Variants in GYPC observed in about 807,000 individuals in gnomAD.
The protein encoded by GYPC is glycophorin-C.
A neutral mutation model predicts 12.6 loss-of-function variants in GYPC; 14 were observed. The observed-to-expected ratio is 1.11, with a 90% CI of 0.74 to 1.74. GYPC has a LOEUF of 1.74. GYPC is among the 40% of genes most tolerant of loss of function. The pLI, the probability that GYPC is intolerant of heterozygous loss-of-function variation, is 0.00. For missense variants in GYPC, 225 were observed against 172.1 expected (o/e 1.31, Z -1.72); for synonymous variants, 78 against 62.1 (o/e 1.26, Z -1.20).
At chr2:126,689,309 G>C (rs1291501638) in intron 1 of GYPC, among the ~76,000 whole-genome samples, 3 of 152,184 alleles carry the variant, frequency 2.0e-5, no homozygotes, top group Non-Finnish European at 4.4e-5. Context: ...GGCACATCAC[G>C]TCTCTGAGCC....
chr2:126,687,364 T>G (rs969997952), intron 1 of GYPC, among the ~76,000 whole-genome samples: 1 of 152,222 alleles, frequency 6.6e-6, no homozygotes, highest in Non-Finnish European at 1.5e-5. Flanking sequence ...CCTAGTGTTT[T>G]TCTTCAGTAG....
rs796109011 is a variant in GYPC, at chr2:126,682,908, T to C, written c.50-7347T>C. ...CACTAGAATCGCCTCCTCCCCACTC[T>C]TCCTGCCTCTTTCAAATTTGATTTC... On this transcript the variant is annotated intron_variant, in intron 1 of 3. Coordinates refer to ENST00000259254, the MANE Select transcript of GYPC (RefSeq NM_002101.5). 2.6e-5 allele frequency among the ~76,000 whole-genome samples: 4 copies of C among 152,302 alleles called. 1 individual carries two copies. Among genetic ancestry groups the C allele is most frequent in the African/African-American group, 9.6e-5 (4 of 41,572 alleles).
chr2:126,664,481 C>A (rs559344414), intron 1 of GYPC, among the ~76,000 whole-genome samples: 102 of 152,338 alleles, frequency 6.7e-4, no homozygotes, highest in Non-Finnish European at 1.3e-3. Context: ...CAGGGCCTGA[C>A]CCCAGACGCA....
intron 1 of GYPC, among the ~76,000 whole-genome samples, chr2:126,688,621 C>T (rs1379321889): frequency 6.6e-6 from 1 of 152,168 alleles, no homozygotes; most frequent in African/African-American, 2.4e-5. Context: ...ACCCAGAGTT[C>T]ACTGGGTCTC....
intron 1 of GYPC, among the ~76,000 whole-genome samples, chr2:126,667,516 G>T (rs181766887): frequency 2.0e-5 from 3 of 150,904 alleles, no homozygotes; most frequent in Admixed American, 1.3e-4. Context: ...CAATTCTCCT[G>T]CCTTAGCCTC....
chr2:126,683,382 A>G (rs772800292), intron 1 of GYPC, among the ~76,000 whole-genome samples: 1 of 152,104 alleles, frequency 6.6e-6, no homozygotes, highest in Non-Finnish European at 1.5e-5. Flanking sequence ...TCCACAGCTG[A>G]CAAAGTCCTC....
intron 1 of GYPC, among the ~76,000 whole-genome samples, chr2:126,670,039 G>A (rs1157656098): frequency 6.6e-6 from 1 of 152,200 alleles, no homozygotes; most frequent in Non-Finnish European, 1.5e-5. Flanking sequence ...TCACTGCCCT[G>A]CCTCCTGCCC....
chr2:126,693,984 G>C (rs748257396), intron 3 of GYPC, 37 bp downstream of exon 3: 1 of 1,381,940 alleles, frequency 7.2e-7, no homozygotes. Context: ...AGCAGCCAGG[G>C]TGGGGGGCCT....
At chr2:126,668,227 T>C (rs532463111) in intron 1 of GYPC, among the ~76,000 whole-genome samples, 1 of 152,318 alleles carries the variant, frequency 6.6e-6, no homozygotes, top group African/African-American at 2.4e-5. Context: ...GGCAATTTTA[T>C]AAAATTAATT....
intron 1 of GYPC, among the ~76,000 whole-genome samples, chr2:126,687,640 T>C (rs755584737): frequency 2.0e-5 from 3 of 152,012 alleles, no homozygotes; most frequent in Admixed American, 6.6e-5. Context: ...ATGGAGAGAG[T>C]AGTTCCAGCT....
intron 1 of GYPC, among the ~76,000 whole-genome samples, chr2:126,663,993 TC>T: frequency 7.5e-6 from 1 of 132,604 alleles, no homozygotes; most frequent in Admixed American, 7.4e-5. Flanking sequence ...TCTCTCTCTC[TC>T]TCTCTCTGGA....
intron 1 of GYPC, among the ~76,000 whole-genome samples, chr2:126,659,716 G>T (rs977594862): frequency 6.6e-6 from 1 of 151,948 alleles, no homozygotes; most frequent in South Asian, 2.1e-4. Context: ...CTGGTAAGGG[G>T]CTTTCCTGGG....
At position 126,696,223 on chromosome 2, in the gene GYPC, G is replaced by C; in HGVS notation, c.*81G>C. 2 of 974,754 alleles carry C rather than the reference G, an allele frequency of 2.1e-6. No homozygotes were observed. Among genetic ancestry groups the C allele is most frequent in the Non-Finnish European group, 3.2e-6 (2 of 617,702 alleles). The allele number at this position is 974,754 out of a possible 1,614,324, so 60.4% of individuals were successfully genotyped here. ...CACCCCATCGCCCAGCACCCCTGCTGATACCACCAGACAGAGAGAGAGAGC... is the reference window on the plus strand; with the variant it reads ...CACCCCATCGCCCAGCACCCCTGCTCATACCACCAGACAGAGAGAGAGAGC... On this transcript the variant is annotated 3_prime_UTR_variant, in exon 4 of 4. Transcript: ENST00000259254.
At chr2:126,659,227 T>C (rs2002698) in intron 1 of GYPC, among the ~76,000 whole-genome samples, 3,785 of 152,310 alleles carry the variant, frequency 0.025, 136 homozygotes, top group African/African-American at 0.085. Flanking sequence ...GTTTTCTTAC[T>C]TCCATAAGAG....
At position 126,693,867 on chromosome 2, in the gene GYPC, C is replaced by T. The variant is rs867854161; in HGVS notation, c.110C>T (p.Pro37Leu). The T allele has an allele frequency of 6.2e-7, 1 of 1,604,022 alleles. No homozygotes were observed. The highest frequency in any genetic ancestry group is 1.7e-5 in the Admixed American group (1 of 59,980). The change falls in exon 3 of 4, where the codon CCT becomes CTT. Residue 37 changes from proline to leucine, a missense_variant. By Grantham distance (98) the Pro-to-Leu change is moderately conservative. Transcript: ENST00000259254. ...TTMHTTTIAE[P>L]DPGMSGWPDG... Reference sequence around the variant, plus strand: ...GATTCTTGTCCTCTGTTCACAGAGCCTGATCCAGGGATGTCTGGATGGCCG... The same window carrying T: ...GATTCTTGTCCTCTGTTCACAGAGCTTGATCCAGGGATGTCTGGATGGCCG...
chr2:126,668,693 C>G, intron 1 of GYPC, among the ~76,000 whole-genome samples: 1 of 152,280 alleles, frequency 6.6e-6, no homozygotes. Context: ...GCAATTCATC[C>G]GCAAGCAATT....
At chr2:126,677,398 T>A (rs542703995) in intron 1 of GYPC, among the ~76,000 whole-genome samples, 21 of 151,238 alleles carry the variant, frequency 1.4e-4, no homozygotes, top group Admixed American at 2.6e-4. Context: ...TTTATTAGTG[T>A]GTTAGAGTGT....
chr2:126,689,865 C>A (rs888571138), intron 1 of GYPC, among the ~76,000 whole-genome samples: 1 of 152,196 alleles, frequency 6.6e-6, no homozygotes, highest in African/African-American at 2.4e-5. Flanking sequence ...GACTGAGACA[C>A]CTGGTGTGAG....
At chr2:126,693,988 G>T (rs749826495) in intron 3 of GYPC, 41 bp downstream of exon 3, 2 of 1,365,970 alleles carry the variant, frequency 1.5e-6, no homozygotes, top group Non-Finnish European at 2.1e-6. Flanking sequence ...GCCAGGGTGG[G>T]GGGCCTTGGT....
Sources: gnomAD v4.1 joint callset for allele counts (sites outside exome capture counted in the v4.1 genomes callset) on GRCh38, gnomAD v4.1.1 for gene constraint, MANE v1.5 for transcripts, NCBI Gene and HGNC (gene_info 2026-07-23, HGNC 2026-07-21) for gene names.